Variants in EGFR observed in about 807,000 individuals in gnomAD.
The protein encoded by EGFR is avian erythroblastic leukemia viral (v-erb-b) oncogene homolog.
EGFR carries 58 observed loss-of-function variants against 143.0 expected under a neutral mutation model. The ratio of observed to expected loss-of-function variants is 0.41; its 90% CI spans 0.33 to 0.50. EGFR has a LOEUF of 0.50. EGFR is among the 20% of genes least tolerant of loss of function. The pLI, the probability that EGFR is intolerant of heterozygous loss-of-function variation, is 0.39. For synonymous variants in EGFR, 613 were observed against 594.4 expected (o/e 1.03, Z -0.45); for missense variants, 1,307 against 1,579.0 (o/e 0.83, Z 2.92).
intron 1 of EGFR, among the ~76,000 whole-genome samples, chr7:55,093,105 C>T (rs951188316): frequency 6.6e-6 from 1 of 152,162 alleles, no homozygotes; most frequent in Non-Finnish European, 1.5e-5. Context: ...GAAAACTCAG[C>T]CTATGTTTGT....
chr7:55,170,290 T>G, intron 15 of EGFR: 2 of 1,614,152 alleles, frequency 1.2e-6, no homozygotes, highest in South Asian at 2.2e-5. Context: ...GAAATGTACT[T>G]GTCCATCTTT....
In EGFR at chr7:55,143,356, C is replaced by T. The variant is rs1794575659; in HGVS notation, c.292C>T (p.Arg98Ter). 1.2e-6 allele frequency: 2 copies of T among 1,614,014 alleles called. No homozygotes were observed. The highest frequency in any genetic ancestry group is 8.5e-7 in the Non-Finnish European group (1 of 1,180,048). The change falls in exon 3 of 28, where the codon CGA becomes TGA. Residue 98 changes from arginine (R) to a stop codon, truncating the protein, a stop_gained. Transcript: ENST00000275493. LOFTEE classifies it high-confidence loss of function. ...YVLIALNTVE[R>*]IPLENLQIIR... ...CCTCATTGCCCTCAACACAGTGGAGCGAATTCCTTTGGAAAACCTGCAGAT... is the reference window on the plus strand; with the variant it reads ...CCTCATTGCCCTCAACACAGTGGAGTGAATTCCTTTGGAAAACCTGCAGAT...
At chr7:55,028,411 G>A (rs777842500) in intron 1 of EGFR, among the ~76,000 whole-genome samples, 52 of 152,176 alleles carry the variant, frequency 3.4e-4, no homozygotes, top group Non-Finnish European at 6.6e-4. Context: ...TAGTGAATTT[G>A]TGCAGGTCCT....
At chr7:55,033,048 T>C (rs1310234727) in intron 1 of EGFR, among the ~76,000 whole-genome samples, 2 of 152,224 alleles carry the variant, frequency 1.3e-5, no homozygotes, top group African/African-American at 4.8e-5. Context: ...GTCATGTCTA[T>C]GAATGATTTT....
intron 1 of EGFR, among the ~76,000 whole-genome samples, chr7:55,104,994 T>C (rs760992320): frequency 6.6e-6 from 1 of 152,222 alleles, no homozygotes; most frequent in Non-Finnish European, 1.5e-5. Flanking sequence ...GGGATAGGAA[T>C]ATTAATAGCA....
intron 19 of EGFR, among the ~76,000 whole-genome samples, chr7:55,178,734 CTCT>C (rs1263123223): frequency 3.3e-5 from 5 of 152,220 alleles, no homozygotes; most frequent in African/African-American, 1.2e-4. Flanking sequence ...AATATCTCCT[CTCT>C]TCTTTAAAAT....
intron 15 of EGFR, among the ~76,000 whole-genome samples, chr7:55,168,063 T>C (rs1427110618): frequency 6.6e-6 from 1 of 152,204 alleles, no homozygotes; most frequent in Non-Finnish European, 1.5e-5. Flanking sequence ...TAACAAATAT[T>C]TCCCTGGGAA....
intron 1 of EGFR, chr7:55,109,907 T>G (rs1048570525): frequency 2.0e-6 from 2 of 985,346 alleles, no homozygotes; most frequent in Non-Finnish European, 2.4e-6. Flanking sequence ...TTGCTGTGGG[T>G]TCCCTCCGGC....
At chr7:55,130,860 C>T (rs892471969) in intron 1 of EGFR, among the ~76,000 whole-genome samples, 10 of 152,236 alleles carry the variant, frequency 6.6e-5, no homozygotes, top group Non-Finnish European at 1.3e-4. Context: ...GCAGACGCAT[C>T]CCTGTGTCCA....
At chr7:55,071,003 C>A (rs1789789907) in intron 1 of EGFR, among the ~76,000 whole-genome samples, 1 of 152,220 alleles carries the variant, frequency 6.6e-6, no homozygotes, top group Admixed American at 6.5e-5. Context: ...TGGCTCAGAG[C>A]AGGTAAGGCC....
At chr7:55,198,215 T>A (rs1787699514) in intron 22 of EGFR, among the ~76,000 whole-genome samples, 1 of 152,216 alleles carries the variant, frequency 6.6e-6, no homozygotes, top group African/African-American at 2.4e-5. Flanking sequence ...AGTTTCTTCC[T>A]GAGGTTTTTA....
chr7:55,188,720 G>A (rs977170629), intron 20 of EGFR: 1 of 152,034 alleles, frequency 6.6e-6, no homozygotes, highest in Non-Finnish European at 1.5e-5. Flanking sequence ...AAGCATAACT[G>A]CGCCAGGCAC....
At chr7:55,077,269 T>C (rs969685488) in intron 1 of EGFR, among the ~76,000 whole-genome samples, 1 of 152,186 alleles carries the variant, frequency 6.6e-6, no homozygotes, top group African/African-American at 2.4e-5. Flanking sequence ...TCAGTGTGCC[T>C]AGCACAGGGC....
chr7:55,173,887 G>T (rs757860242), intron 17 of EGFR, 34 bp from the exon 18 acceptor site: 1 of 1,614,192 alleles, frequency 6.2e-7, no homozygotes, highest in East Asian at 2.2e-5. Context: ...GAGGGCTGAG[G>T]TGACCCTTGT....
At chr7:55,138,625 G>A (rs569702059) in intron 1 of EGFR, among the ~76,000 whole-genome samples, 1 of 152,168 alleles carries the variant, frequency 6.6e-6, no homozygotes, top group South Asian at 2.1e-4. Flanking sequence ...CCCTAACGTG[G>A]GTCCAGATGC....
At chr7:55,167,794 A>G (rs1407850275) in intron 15 of EGFR, among the ~76,000 whole-genome samples, 1 of 152,190 alleles carries the variant, frequency 6.6e-6, no homozygotes, top group Non-Finnish European at 1.5e-5. Flanking sequence ...CAATCATATA[A>G]TCTCCAACAG....
rs1433831615 is a variant in EGFR, at chr7:55,191,796, G to C, written c.2547G>C (p.Gln849His). 1.2e-6 allele frequency: 2 copies of C among 1,614,128 alleles called. No homozygotes were observed. Among genetic ancestry groups the C allele is most frequent in the Non-Finnish European group, 1.7e-6 (2 of 1,180,040 alleles). The change falls in exon 21 of 28, where the codon CAG becomes CAC. Residue 849 changes from glutamine (Q) to histidine (H), a missense_variant. This residue lies in a region of EGFR where 348 missense variants were observed against 451.5 expected (regional missense o/e 0.77). Transcript: ENST00000275493. ...AARNVLVKTP[Q>H]HVKITDFGLA... ...GGAACGTACTGGTGAAAACACCGCA[G>C]CATGTCAAGATCACAGATTTTGGGC...
rs28533424 is a variant in EGFR, at chr7:55,166,703, A to T, written c.1880+1266A>T. ...CACAATGGTGGTGGTGATGGTGTTG[A>T]TGGTGGTGAGGAGGTGGGAGTCACA... On this transcript the variant is annotated intron_variant, in intron 15 of 27. Transcript: ENST00000275493. Among the ~76,000 whole-genome samples the T allele has an allele frequency of 2.0e-4, 18 of 91,512 alleles. 2 individuals are homozygous for T. Among genetic ancestry groups the T allele is most frequent in the African/African-American group, 6.0e-4 (15 of 25,018 alleles). 60.0% of individuals were successfully genotyped at this position (91,512 alleles called of 152,430 possible). A position where few individuals can be genotyped will look rare whatever the true frequency, so the allele number is the denominator to read the frequency against.
intron 19 of EGFR, chr7:55,180,962 A>C (rs766195773): frequency 1.7e-4 from 74 of 444,686 alleles, no homozygotes; most frequent in African/African-American, 1.3e-3. Flanking sequence ...CTTCATAACA[A>C]AGATACTATC....
Sources: gnomAD v4.1 joint callset for allele counts (sites outside exome capture counted in the v4.1 genomes callset) on GRCh38, gnomAD v4.1.1 for gene constraint, gnomAD v4.1.1 regional missense constraint, MANE v1.5 for transcripts, NCBI Gene and HGNC (gene_info 2026-07-23, HGNC 2026-07-21) for gene names.